VSTM2L: variants seen among roughly 807,000 people sequenced by gnomAD.
The protein encoded by VSTM2L is V-set and transmembrane domain-containing protein 2-like protein.
Under a neutral mutation model 19.9 loss-of-function variants are expected in VSTM2L, and 9 were observed. That is an observed-to-expected ratio of 0.45 (90% CI 0.27 to 0.79). The LOEUF (loss-of-function observed/expected upper bound fraction) is 0.79. Ranked by LOEUF, VSTM2L falls within the 30% of genes least tolerant of loss-of-function variation. The pLI is 0.15. For missense variants in VSTM2L, 286 were observed against 295.5 expected (o/e 0.97, Z 0.24); for synonymous variants, 127 against 133.8 (o/e 0.95, Z 0.35).
intron 1 of VSTM2L, among the ~76,000 whole-genome samples, chr20:37,920,003 G>C (rs572237085): frequency 1.3e-5 from 2 of 152,212 alleles, no homozygotes; most frequent in Non-Finnish European, 2.9e-5. Context: ...CCCGGGGCAG[G>C]AGACTGGCTC....
intron 1 of VSTM2L, among the ~76,000 whole-genome samples, chr20:37,907,691 C>A (rs2072758497): frequency 6.6e-6 from 1 of 151,992 alleles, no homozygotes; most frequent in Non-Finnish European, 1.5e-5. Flanking sequence ...ACACCCACAC[C>A]CACCCCTAGG....
intron 3 of VSTM2L, 29 bp from the exon 4 acceptor site, chr20:37,943,952 A>G (rs1340743444): frequency 3.0e-6 from 2 of 656,540 alleles, no homozygotes; most frequent in South Asian, 6.0e-5. Context: ...CACTGGATGG[A>G]CAGGTCACGG....
chr20:37,906,580 T>C (rs972305703), intron 1 of VSTM2L, among the ~76,000 whole-genome samples: 8 of 152,126 alleles, frequency 5.3e-5, no homozygotes, highest in Non-Finnish European at 1.0e-4. Context: ...GTGTTGGAGA[T>C]AGGAGGAAAC....
chr20:37,940,483 C>T (rs919965967), intron 3 of VSTM2L, among the ~76,000 whole-genome samples: 8 of 152,272 alleles, frequency 5.3e-5, no homozygotes, highest in Non-Finnish European at 7.3e-5. Flanking sequence ...ACACTCTCTT[C>T]TTCCCTTCCC....
chr20:37,931,657 T>C lies in VSTM2L; in HGVS notation c.144T>C (p.His48=). 3 of 1,613,172 alleles carry C rather than the reference T, an allele frequency of 1.9e-6. No individual in the cohort carries two copies. Among genetic ancestry groups the C allele is most frequent in the Non-Finnish European group, 2.5e-6 (3 of 1,179,952 alleles). The change falls in exon 2 of 4, where the codon CAT becomes CAC. Residue 48 remains histidine (H), a synonymous_variant. Coordinates refer to ENST00000373461, the MANE Select transcript of VSTM2L (RefSeq NM_080607.3). ...CAGCCCTGTTCACAGAGACACCCCA[T>C]GACATGACAGCACGGACGGGCGAGG... ...SGHALFTETP[H]DMTARTGEDV...
At chr20:37,940,799 G>A (rs2072967794) in intron 3 of VSTM2L, among the ~76,000 whole-genome samples, 1 of 152,234 alleles carries the variant, frequency 6.6e-6, no homozygotes, top group South Asian at 2.1e-4. Flanking sequence ...AGGGAAGCAA[G>A]GCATGTCTTA....
intron 3 of VSTM2L, among the ~76,000 whole-genome samples, chr20:37,935,675 G>A (rs182988489): frequency 4.0e-3 from 613 of 152,040 alleles, no homozygotes; most frequent in East Asian, 9.1e-3. Context: ...TCTGGTTGTC[G>A]TTATCCGCTT....
Position 37,923,412 on chromosome 20 carries a change from G to A in VSTM2L, c.122-8223G>A, listed in dbSNP as rs375216146. 5.9e-5 allele frequency among the ~76,000 whole-genome samples: 9 copies of A among 152,204 alleles called. No individual in the cohort carries two copies. In the South Asian group the frequency reaches 1.0e-3, roughly 18 times the overall value. ...CAGGCCTGGGGTTAATTAATACATCGCACCCCCAATTAAAAGCAGAAAGAA... is the reference window on the plus strand; with the variant it reads ...CAGGCCTGGGGTTAATTAATACATCACACCCCCAATTAAAAGCAGAAAGAA... On this transcript the variant is annotated intron_variant, in intron 1 of 3. Coordinates refer to ENST00000373461, the MANE Select transcript of VSTM2L (RefSeq NM_080607.3).
At chr20:37,918,015 T>C (rs2072829790) in intron 1 of VSTM2L, among the ~76,000 whole-genome samples, 1 of 152,242 alleles carries the variant, frequency 6.6e-6, no homozygotes, top group Non-Finnish European at 1.5e-5. Flanking sequence ...GTTGCTTTCC[T>C]GGTTTGAGCA....
In VSTM2L at chr20:37,943,875, T is replaced by C; in HGVS notation, c.343-106T>C. ...CTCGGTGGGCCCTTGTGGGAGTGTTTCTGGGGCTCCCGTCCTAGCATGCGA... is the reference window on the plus strand; with the variant it reads ...CTCGGTGGGCCCTTGTGGGAGTGTTCCTGGGGCTCCCGTCCTAGCATGCGA... On this transcript the variant is annotated intron_variant, in intron 3 of 3. Transcript: ENST00000373461. The C allele has an allele frequency of 3.2e-6, 4 of 1,260,864 alleles. No individual in the cohort carries two copies. The South Asian group carries it at 6.6e-5, about 21-fold the overall frequency. 78.1% of individuals were successfully genotyped at this position (1,260,864 alleles called of 1,614,324 possible).
intron 3 of VSTM2L, among the ~76,000 whole-genome samples, chr20:37,935,954 G>C (rs2072937429): frequency 6.7e-6 from 1 of 149,086 alleles, no homozygotes; most frequent in Admixed American, 6.7e-5. Flanking sequence ...GCGAGATCTT[G>C]GCTCATTGCA....
intron 3 of VSTM2L, 63 bp from the exon 4 acceptor site, chr20:37,943,918 C>CA: frequency 1.1e-6 from 1 of 871,874 alleles, no homozygotes; most frequent in Non-Finnish European, 1.5e-6. Context: ...ACCCCCCCCC[C>CA]CGACTCTTCT....
intron 1 of VSTM2L, among the ~76,000 whole-genome samples, chr20:37,928,814 G>A (rs1329219410): frequency 6.6e-6 from 1 of 152,220 alleles, no homozygotes; most frequent in Non-Finnish European, 1.5e-5. Flanking sequence ...CAGGAGCTGG[G>A]AGGGAAGGCT....
At chr20:37,912,199 A>C (rs1478160203) in intron 1 of VSTM2L, among the ~76,000 whole-genome samples, 2 of 152,230 alleles carry the variant, frequency 1.3e-5, no homozygotes, top group Non-Finnish European at 2.9e-5. Context: ...TTGTGGGACG[A>C]CAGAGCCAGA....
chr20:37,943,904 T>TGGGGG, intron 3 of VSTM2L, 77 bp from the exon 4 acceptor site: 1 of 1,101,868 alleles, frequency 9.1e-7, no homozygotes. Flanking sequence ...CATGCGATCT[T>TGGGGG]GGGACCCCCC....
chr20:37,928,218 G>T (rs1161186336), intron 1 of VSTM2L, among the ~76,000 whole-genome samples: 2 of 152,206 alleles, frequency 1.3e-5, no homozygotes, highest in African/African-American at 4.8e-5. Context: ...GGGCAGGAGG[G>T]ATGTGAATCA....
chr20:37,931,207 G>C (rs955265757), intron 1 of VSTM2L, among the ~76,000 whole-genome samples: 1 of 152,164 alleles, frequency 6.6e-6, no homozygotes, highest in Non-Finnish European at 1.5e-5. Flanking sequence ...GGCGCTGGCC[G>C]CTGTACATGG....
At chr20:37,933,248 C>T (rs1035215172) in intron 2 of VSTM2L, among the ~76,000 whole-genome samples, 1 of 152,240 alleles carries the variant, frequency 6.6e-6, no homozygotes, top group Non-Finnish European at 1.5e-5. Flanking sequence ...TGCCTGTTCA[C>T]ACTCCCTCCA....
chr20:37,931,085 T>C (rs1023923644), intron 1 of VSTM2L, among the ~76,000 whole-genome samples: 1 of 152,076 alleles, frequency 6.6e-6, no homozygotes, highest in African/African-American at 2.4e-5. Flanking sequence ...GGGAGGCGTG[T>C]CCACAGGACA....
Sources: gnomAD v4.1 joint callset for allele counts (sites outside exome capture counted in the v4.1 genomes callset) on GRCh38, gnomAD v4.1.1 for gene constraint, MANE v1.5 for transcripts, NCBI Gene and HGNC (gene_info 2026-07-23, HGNC 2026-07-21) for gene names.